The following SYNJ1 variants were observed in gnomAD, a reference collection of about 807,000 sequenced individuals.
SYNJ1 encodes synaptojanin 1.
In SYNJ1, 78 loss-of-function variants were observed where a neutral mutation model predicts 168.2. That is an observed-to-expected ratio of 0.46 (90% CI 0.39 to 0.56). The LOEUF is 0.56. Among genes scored for constraint, SYNJ1 ranks in the 20% least tolerant of loss-of-function variants. The pLI, the probability that SYNJ1 is intolerant of heterozygous loss-of-function variation, is 0.00. For synonymous variants in SYNJ1, 539 were observed against 548.6 expected (o/e 0.98, Z 0.24); for missense variants, 1,303 against 1,597.6 (o/e 0.82, Z 3.14).
At chr21:32,661,754 T>A (rs1282633136) in intron 18 of SYNJ1, among the ~76,000 whole-genome samples, 4 of 152,078 alleles carry the variant, frequency 2.6e-5, no homozygotes, top group Non-Finnish European at 4.4e-5. Context: ...ATTAGATGCA[T>A]CCCTTCTAAC....
chr21:32,709,117 T>C (rs1225432364), intron 2 of SYNJ1, among the ~76,000 whole-genome samples: 1 of 152,240 alleles, frequency 6.6e-6, no homozygotes, highest in Non-Finnish European at 1.5e-5. Flanking sequence ...ATCTTACTTA[T>C]GTATTAGAAA....
chr21:32,717,525 G>A (rs2146349886), intron 2 of SYNJ1, among the ~76,000 whole-genome samples: 1 of 152,296 alleles, frequency 6.6e-6, no homozygotes, highest in African/African-American at 2.4e-5. Context: ...TTGTTAGGGA[G>A]GGCTGGAGTG....
At chr21:32,704,199 C>T (rs528594146) in intron 2 of SYNJ1, among the ~76,000 whole-genome samples, 1 of 152,176 alleles carries the variant, frequency 6.6e-6, no homozygotes, top group African/African-American at 2.4e-5. Context: ...ATTAGACTAT[C>T]ATCTAATTCA....
At chr21:32,644,359 GCAA>G (rs1888906712) in intron 26 of SYNJ1, among the ~76,000 whole-genome samples, 1 of 152,208 alleles carries the variant, frequency 6.6e-6, no homozygotes, top group African/African-American at 2.4e-5. Flanking sequence ...ATGTCACTAG[GCAA>G]GCTACAATAG....
At chr21:32,660,802 T>C (rs1328083788) in intron 18 of SYNJ1, among the ~76,000 whole-genome samples, 1 of 152,156 alleles carries the variant, frequency 6.6e-6, no homozygotes, top group Non-Finnish European at 1.5e-5. Context: ...AAAGGGCCTG[T>C]TAAACTCTAG....
At chr21:32,728,265 T>C, upstream of SYNJ1, 1 of 528,144 alleles carries the variant, frequency 1.9e-6, no homozygotes, top group Non-Finnish European at 3.3e-6. Flanking sequence ...CTTGGTCCTT[T>C]TGCGTGGGCT....
chr21:32,722,171 A>C (rs951433507), intron 2 of SYNJ1, among the ~76,000 whole-genome samples: 3 of 145,584 alleles, frequency 2.1e-5, no homozygotes, highest in Non-Finnish European at 4.5e-5. Flanking sequence ...GGCAACAAGA[A>C]TGAAACTCCA....
At chr21:32,702,133 A>G (rs1244134446) in intron 2 of SYNJ1, 86 bp from the exon 3 acceptor site, 23 of 945,364 alleles carry the variant, frequency 2.4e-5, no homozygotes, top group Non-Finnish European at 3.6e-5. Flanking sequence ...TTTCAATCAA[A>G]AGTTTCTAAA....
intron 21 of SYNJ1, 67 bp from the exon 22 acceptor site, chr21:32,653,433 A>G: frequency 8.2e-7 from 1 of 1,219,954 alleles, no homozygotes; most frequent in Non-Finnish European, 1.2e-6. Flanking sequence ...GACTACTCCC[A>G]TGATTATTGA....
intron 18 of SYNJ1, among the ~76,000 whole-genome samples, chr21:32,660,202 G>C (rs1242043936): frequency 6.6e-6 from 1 of 152,256 alleles, no homozygotes; most frequent in Non-Finnish European, 1.5e-5. Flanking sequence ...GGTTTCCAAA[G>C]GCTGGCCCCC....
intron 24 of SYNJ1, chr21:32,646,120 T>C: frequency 1.5e-6 from 1 of 673,800 alleles, no homozygotes; most frequent in South Asian, 1.5e-5. Context: ...AAAGCTCAAA[T>C]AGTTAACGGG....
chr21:32,685,434 A>T (rs1030871529), intron 9 of SYNJ1, among the ~76,000 whole-genome samples: 9 of 148,112 alleles, frequency 6.1e-5, no homozygotes, highest in East Asian at 3.9e-4. Context: ...CCAAAAAAAA[A>T]AAAAAAAAAA....
intron 18 of SYNJ1, among the ~76,000 whole-genome samples, chr21:32,661,341 G>A (rs930526446): frequency 2.0e-5 from 3 of 152,312 alleles, no homozygotes; most frequent in Non-Finnish European, 2.9e-5. Context: ...CTTATGGAGC[G>A]GCTCCTTTTG....
chr21:32,661,974 T>C (rs2040721430), intron 18 of SYNJ1, among the ~76,000 whole-genome samples: 1 of 152,190 alleles, frequency 6.6e-6, no homozygotes, highest in African/African-American at 2.4e-5. Context: ...AGTGATCGCA[T>C]GTGGATCAAG....
At chr21:32,686,692 A>C (rs1227136863) in intron 8 of SYNJ1, among the ~76,000 whole-genome samples, 1 of 152,228 alleles carries the variant, frequency 6.6e-6, no homozygotes, top group Non-Finnish European at 1.5e-5. Context: ...GTGACAGATA[A>C]ACATTTTTGG....
At chr21:32,640,168 G>GCACAT (rs2039765759) in intron 29 of SYNJ1, among the ~76,000 whole-genome samples, 1 of 152,124 alleles carries the variant, frequency 6.6e-6, no homozygotes, top group Admixed American at 6.5e-5. Flanking sequence ...GCAGGGCTAG[G>GCACAT]GTTCTTAACC....
chr21:32,694,686 TC>T (rs2042141418), intron 5 of SYNJ1, among the ~76,000 whole-genome samples: 1 of 152,202 alleles, frequency 6.6e-6, no homozygotes, highest in African/African-American at 2.4e-5. Flanking sequence ...GCCAAAAATA[TC>T]ATAATTTCTG....
At chr21:32,717,925 C>G (rs989983952) in intron 2 of SYNJ1, among the ~76,000 whole-genome samples, 1 of 152,202 alleles carries the variant, frequency 6.6e-6, no homozygotes, top group Admixed American at 6.5e-5. Context: ...CCTGGAAGCT[C>G]TCCAGGCAGT....
intron 4 of SYNJ1, among the ~76,000 whole-genome samples, chr21:32,695,850 T>TG (rs1159150416): frequency 2.0e-5 from 3 of 150,146 alleles, no homozygotes; most frequent in African/African-American, 7.3e-5. Flanking sequence ...TGTTTTGTTT[T>TG]TTTTTTTCTT....
Sources: gnomAD v4.1 joint callset for allele counts (sites outside exome capture counted in the v4.1 genomes callset) on GRCh38, gnomAD v4.1.1 for gene constraint, MANE v1.5 for transcripts, NCBI Gene and HGNC (gene_info 2026-07-23, HGNC 2026-07-21) for gene names.